Variants in RANGAP1 observed in about 807,000 individuals in gnomAD.
RANGAP1 encodes the protein ran GTPase-activating protein 1.
In RANGAP1, 38 loss-of-function variants were observed where a neutral mutation model predicts 63.5. That is an observed-to-expected ratio of 0.60 (90% CI 0.46 to 0.78). The LOEUF is 0.78. Ranked by LOEUF, RANGAP1 falls within the 30% of genes least tolerant of loss-of-function variation. The pLI, the probability that RANGAP1 is intolerant of heterozygous loss-of-function variation, is 0.00. For synonymous variants in RANGAP1, 329 were observed against 310.5 expected (o/e 1.06, Z -0.63); for missense variants, 630 against 740.3 (o/e 0.85, Z 1.73).
chr22:41,261,863 G>C (rs2034189975), intron 5 of RANGAP1, among the ~76,000 whole-genome samples: 1 of 152,230 alleles, frequency 6.6e-6, no homozygotes, highest in Non-Finnish European at 1.5e-5. Flanking sequence ...AGACCACATG[G>C]AGTGGATGAA....
chr22:41,259,293 G>GA (rs2034025848), intron 6 of RANGAP1, among the ~76,000 whole-genome samples: 1 of 152,170 alleles, frequency 6.6e-6, no homozygotes, highest in South Asian at 2.1e-4. Context: ...GGGCAATGGG[G>GA]GGAGCGGGTG....
intron 1 of RANGAP1, chr22:41,282,554 C>T (rs769224414): frequency 1.3e-5 from 2 of 152,222 alleles, no homozygotes; most frequent in African/African-American, 4.8e-5. Context: ...GATCTCCTGA[C>T]CTCGTGATCC....
upstream of RANGAP1, among the ~76,000 whole-genome samples, chr22:41,287,141 A>C (rs1335268940): frequency 1.3e-5 from 2 of 152,196 alleles, no homozygotes; most frequent in Non-Finnish European, 2.9e-5. Flanking sequence ...TATGTAAGAG[A>C]CTGCCCTTGT....
chr22:41,258,152 G>A, intron 6 of RANGAP1, 46 bp from the exon 7 acceptor site: 3 of 1,552,330 alleles, frequency 1.9e-6, no homozygotes, highest in African/African-American at 1.4e-5. Context: ...AGTGCCAGGT[G>A]ACATCCAGCA....
chr22:41,253,975 G>A (rs1392951050), intron 11 of RANGAP1, among the ~76,000 whole-genome samples: 1 of 151,960 alleles, frequency 6.6e-6, no homozygotes, highest in African/African-American at 2.4e-5. Context: ...AGGCGTGGTG[G>A]CAAGCATCTG....
At chr22:41,300,087 T>C in the RANGAP1 span, among the ~76,000 whole-genome samples, 1 of 152,056 alleles carries the variant, frequency 6.6e-6, no homozygotes, top group Non-Finnish European at 1.5e-5. Flanking sequence ...TCCTCACCTC[T>C]GGTTGGGGTC....
At chr22:41,279,728 G>A (rs906625517) in intron 2 of RANGAP1, among the ~76,000 whole-genome samples, 2 of 150,528 alleles carry the variant, frequency 1.3e-5, no homozygotes, top group East Asian at 3.9e-4. Context: ...CTTGAACCTG[G>A]GAGACAGAAG....
At chr22:41,281,770 T>C in intron 1 of RANGAP1, 1 of 451,830 alleles carries the variant, frequency 2.2e-6, no homozygotes, top group Non-Finnish European at 2.9e-6. Flanking sequence ...TACCAGAAGA[T>C]TTGGGTAGAA....
chr22:41,252,512 C>A (rs2033530163), intron 12 of RANGAP1, among the ~76,000 whole-genome samples: 1 of 152,038 alleles, frequency 6.6e-6, no homozygotes, highest in Non-Finnish European at 1.5e-5. Flanking sequence ...CACGTCACTT[C>A]CAAAGGAGCC....
intron 3 of RANGAP1, among the ~76,000 whole-genome samples, chr22:41,272,195 A>G (rs942343083): frequency 6.6e-6 from 1 of 152,062 alleles, no homozygotes; most frequent in African/African-American, 2.4e-5. Context: ...CTTCAGGCCC[A>G]TGGCTCCTTC....
chr22:41,245,192 T>A lies in RANGAP1; in HGVS notation c.*1411A>T, dbSNP rs571444094. ...GTGGCCGACTGCCAATGAGAAAATA[T>A]TGCCCTCTAAGAAACCTTGGAGGGA... On this transcript the variant is annotated 3_prime_UTR_variant, in exon 16 of 16. Transcript: ENST00000356244. Among the ~76,000 whole-genome samples, 1 of 152,182 alleles carries A rather than the reference T, an allele frequency of 6.6e-6. No homozygotes were observed. Among genetic ancestry groups the A allele is most frequent in the Non-Finnish European group, 1.5e-5 (1 of 68,040 alleles).
chr22:41,274,835 C>G, intron 2 of RANGAP1, 108 bp from the exon 3 acceptor site: 1 of 1,366,716 alleles, frequency 7.3e-7, no homozygotes, highest in Non-Finnish European at 1.0e-6. Context: ...GGTGCACCTA[C>G]CATGCAATGA....
intron 1 of RANGAP1, chr22:41,285,479 G>A (rs548219010): frequency 3.1e-6 from 3 of 983,098 alleles, no homozygotes; most frequent in Non-Finnish European, 3.6e-6. Flanking sequence ...TCCCCGCTCC[G>A]CAGCAACGTC....
At chr22:41,301,233 G>C in the RANGAP1 span, among the ~76,000 whole-genome samples, 33 of 152,340 alleles carry the variant, frequency 2.2e-4, no homozygotes, top group South Asian at 1.5e-3. Context: ...GCCGGAGAAG[G>C]GGGGCGGGGG....
At chr22:41,254,844 C>T (rs146017020) in intron 10 of RANGAP1, among the ~76,000 whole-genome samples, 6,264 of 152,028 alleles carry the variant, frequency 0.041, 177 homozygotes, top group Middle Eastern at 0.071. Flanking sequence ...TGGTGGCGGG[C>T]GCCTGTGGTC....
intron 2 of RANGAP1, among the ~76,000 whole-genome samples, chr22:41,275,204 G>A (rs907924540): frequency 2.0e-5 from 3 of 152,198 alleles, no homozygotes; most frequent in Non-Finnish European, 4.4e-5. Context: ...ATCAAGAGAA[G>A]ACAGAAGACC....
chr22:41,279,389 G>A (rs919667140), intron 2 of RANGAP1, among the ~76,000 whole-genome samples: 2 of 151,506 alleles, frequency 1.3e-5, no homozygotes, highest in Non-Finnish European at 2.9e-5. Context: ...AGAATGGCGT[G>A]AACCAGGGAG....
intron 7 of RANGAP1, 106 bp from the exon 8 acceptor site, chr22:41,256,930 A>G (rs1266020769): frequency 3.9e-6 from 3 of 777,268 alleles, no homozygotes; most frequent in African/African-American, 1.7e-5. Context: ...GCCACCACAC[A>G]CTGTCCTCCT....
At chr22:41,295,025 T>TG in the RANGAP1 span, among the ~76,000 whole-genome samples, 784 of 117,764 alleles carry the variant, frequency 6.7e-3, 11 homozygotes, top group African/African-American at 0.024. Flanking sequence ...AGGAGGGAGG[T>TG]GGGGGGGTCA....
Sources: allele counts gnomAD v4.1 joint callset (sites outside exome capture counted in the v4.1 genomes callset), GRCh38; gene constraint gnomAD v4.1.1; transcripts MANE v1.5; gene names NCBI Gene and HGNC (gene_info 2026-07-23, HGNC 2026-07-21).